EFCAB8: variants seen among roughly 807,000 people sequenced by gnomAD.
EFCAB8 encodes the protein EF-hand calcium binding domain 8, also known as EF-hand calcium-binding domain-containing protein 8.
A neutral mutation model predicts 116.3 loss-of-function variants in EFCAB8; 100 were observed. That is an observed-to-expected ratio of 0.86 (90% CI 0.73 to 1.02). The LOEUF is 1.02. Among genes scored for constraint, EFCAB8 ranks in the 50% least tolerant of loss-of-function variants. EFCAB8 has a pLI of 0.00. For missense variants in EFCAB8, 1,320 were observed against 1,416.9 expected (o/e 0.93, Z 1.10); for synonymous variants, 558 against 567.9 (o/e 0.98, Z 0.25).
At chr20:32,912,164 C>T (rs1474434605) in intron 16 of EFCAB8, among the ~76,000 whole-genome samples, 1 of 152,106 alleles carries the variant, frequency 6.6e-6, no homozygotes, top group East Asian at 1.9e-4. Flanking sequence ...GCTGGCCAGG[C>T]AGTGGCTCAC....
intron 15 of EFCAB8, among the ~76,000 whole-genome samples, chr20:32,910,677 T>A (rs1426792158): frequency 1.3e-5 from 2 of 151,768 alleles, no homozygotes; most frequent in Non-Finnish European, 2.9e-5. Flanking sequence ...TTTAAAAAAA[T>A]TATCAACTTT....
At chr20:32,868,333 G>A (rs1169578846) in intron 3 of EFCAB8, among the ~76,000 whole-genome samples, 1 of 152,176 alleles carries the variant, frequency 6.6e-6, no homozygotes, top group African/African-American at 2.4e-5. Flanking sequence ...AAAGTGCTGG[G>A]ATTACAGGTG....
chr20:32,890,532 C>T (rs554251842), intron 7 of EFCAB8, among the ~76,000 whole-genome samples: 6 of 152,318 alleles, frequency 3.9e-5, no homozygotes, highest in Non-Finnish European at 7.3e-5. Flanking sequence ...AACTCAGTGT[C>T]TCAGTGCCTG....
Position 32,928,203 on chromosome 20 carries a change from G to A in EFCAB8, c.2413-2195G>A, listed in dbSNP as rs554350759. Among the ~76,000 whole-genome samples the A allele has an allele frequency of 2.0e-5, 3 of 151,034 alleles. No homozygotes were observed. In the South Asian group the frequency reaches 6.3e-4, roughly 32 times the overall value. ...ATTTTTGTAATTTCCTTTTCAGATTGTTCAACGTTAGTGTATAGAAATGCA... is the reference window on the plus strand; with the variant it reads ...ATTTTTGTAATTTCCTTTTCAGATTATTCAACGTTAGTGTATAGAAATGCA... On this transcript the variant is annotated intron_variant, in intron 20 of 26. Coordinates refer to ENST00000400522, the MANE Select transcript of EFCAB8 (RefSeq NM_001143967.2).
intron 3 of EFCAB8, among the ~76,000 whole-genome samples, chr20:32,871,919 A>G (rs955958532): frequency 6.6e-6 from 1 of 152,074 alleles, no homozygotes; most frequent in African/African-American, 2.4e-5. Context: ...TTGAAAGCAC[A>G]CAAAGGCAGT....
intron 6 of EFCAB8, among the ~76,000 whole-genome samples, chr20:32,885,860 G>A (rs187394360): frequency 1.9e-3 from 287 of 152,296 alleles, no homozygotes; most frequent in African/African-American, 6.5e-3. Context: ...CCCTGTGGGT[G>A]TCTCACAGGC....
chr20:32,956,284 C>T (rs1891776), intron 23 of EFCAB8, among the ~76,000 whole-genome samples: 103,036 of 151,830 alleles, frequency 0.68, 35,716 homozygotes, highest in African/African-American at 0.76. Flanking sequence ...AAGACATTGT[C>T]ATTATTATTT....
chr20:32,920,639 G>A (rs1412728129), intron 20 of EFCAB8, among the ~76,000 whole-genome samples: 1 of 152,152 alleles, frequency 6.6e-6, no homozygotes, highest in Non-Finnish European at 1.5e-5. Flanking sequence ...CATGAGAATG[G>A]CATGGGAAGG....
chr20:32,896,827 G>A (rs1429558110), intron 10 of EFCAB8, among the ~76,000 whole-genome samples: 2 of 152,214 alleles, frequency 1.3e-5, no homozygotes, highest in Non-Finnish European at 2.9e-5. Context: ...TCTTCATGCA[G>A]CACTGTCTCC....
chr20:32,933,525 A>G (rs907377304), intron 22 of EFCAB8, among the ~76,000 whole-genome samples: 2 of 152,176 alleles, frequency 1.3e-5, no homozygotes, highest in African/African-American at 4.8e-5. Context: ...ATTACTGACT[A>G]TAGTCACTCT....
intron 20 of EFCAB8, among the ~76,000 whole-genome samples, chr20:32,924,127 C>G (rs1041420447): frequency 3.3e-5 from 5 of 152,184 alleles, no homozygotes; most frequent in Non-Finnish European, 7.3e-5. Context: ...AATCACAGCT[C>G]ATTGTAGCCT....
intron 1 of EFCAB8, among the ~76,000 whole-genome samples, chr20:32,861,298 AT>A (rs930204422): frequency 6.6e-5 from 10 of 151,804 alleles, no homozygotes; most frequent in South Asian, 6.2e-4. Flanking sequence ...ATTTTATTTT[AT>A]TTTTTTGAGA....
intron 3 of EFCAB8, among the ~76,000 whole-genome samples, chr20:32,874,832 T>C (rs1984868382): frequency 6.6e-6 from 1 of 151,988 alleles, no homozygotes; most frequent in African/African-American, 2.4e-5. Context: ...CTGCAACCTC[T>C]GCCTCCTGGA....
intron 6 of EFCAB8, among the ~76,000 whole-genome samples, chr20:32,886,635 A>G (rs1011669968): frequency 2.6e-5 from 4 of 152,082 alleles, no homozygotes; most frequent in South Asian, 2.1e-4. Flanking sequence ...TGTGGCTTCC[A>G]TAGCCATCCA....
In EFCAB8 at chr20:32,906,625, C is replaced by T. The variant is rs1373025064; in HGVS notation, c.1152C>T (p.Phe384=). Residue 384 remains phenylalanine (F), a synonymous_variant, in exon 12 of 27, where the codon TTC becomes TTT. Transcript: ENST00000400522. The stretch of plus-strand genomic sequence containing the variant: ...TTGATTACTGCCCAGACAGGAACTT[C>T]CTGGGTAAGTCACCTTCATGTCACC... ...LCFDYCPDRN[F]LVTGGYDAFI... 2.8e-6 allele frequency: 2 copies of T among 718,358 alleles called. No homozygotes were observed. Among genetic ancestry groups the T allele is most frequent in the East Asian group, 2.7e-5 (1 of 37,276 alleles). The allele number at this position is 718,358 out of a possible 1,614,324, so 44.5% of individuals were successfully genotyped here.
chr20:32,913,715 G>A (rs1383136361), intron 17 of EFCAB8, among the ~76,000 whole-genome samples: 1 of 150,664 alleles, frequency 6.6e-6, no homozygotes, highest in African/African-American at 2.5e-5. Flanking sequence ...ATGCTAACAC[G>A]TTATGTACTT....
In EFCAB8 at chr20:32,930,499, A is replaced by C. The variant is rs1194184342; in HGVS notation, c.2514A>C (p.Gly838=). 1 of 1,552,136 alleles carries C rather than the reference A, an allele frequency of 6.4e-7. No homozygotes were observed. The highest frequency in any genetic ancestry group is 2.0e-5 in the Admixed American group (1 of 51,008). The change falls in exon 21 of 27, where the codon GGA becomes GGC. Residue 838 remains glycine, a synonymous_variant. Transcript: ENST00000400522. The stretch of plus-strand genomic sequence containing the variant: ...ACGCCTGGTCCCTCCATGAGAATGG[A>C]GGCCTGCTGGGGAAGTTCCCTGTGG... ...YIYAWSLHEN[G]GLLGKFPVDL...
chr20:32,959,489 A>G (rs1832977315), intron 24 of EFCAB8, among the ~76,000 whole-genome samples: 1 of 152,202 alleles, frequency 6.6e-6, no homozygotes, highest in Admixed American at 6.5e-5. Flanking sequence ...ACATGTTTAA[A>G]TAGTCCACAA....
intron 17 of EFCAB8, among the ~76,000 whole-genome samples, chr20:32,916,032 C>T (rs148598850): frequency 3.3e-5 from 5 of 152,216 alleles, no homozygotes; most frequent in African/African-American, 1.2e-4. Context: ...AATAACACCC[C>T]ACTCCTGGTA....
Sources: gnomAD v4.1 joint callset for allele counts (sites outside exome capture counted in the v4.1 genomes callset) on GRCh38, gnomAD v4.1.1 for gene constraint, MANE v1.5 for transcripts, NCBI Gene and HGNC (gene_info 2026-07-23, HGNC 2026-07-21) for gene names.